The following EPX variants were observed in gnomAD, a reference collection of about 807,000 sequenced individuals.
EPX encodes the protein eosinophil peroxidase.
A neutral mutation model predicts 73.0 loss-of-function variants in EPX; 60 were observed. The ratio of observed to expected loss-of-function variants is 0.82; its 90% CI spans 0.67 to 1.02. EPX has a LOEUF of 1.02. Among genes scored for constraint, EPX ranks in the 50% least tolerant of loss-of-function variants. The probability of loss-of-function intolerance (pLI) is 0.00; values close to 1 mark genes in which losing one functional copy is unlikely to be tolerated. For missense variants in EPX, 950 were observed against 973.9 expected (o/e 0.98, Z 0.33); for synonymous variants, 347 against 389.2 (o/e 0.89, Z 1.28).
chr17:58,204,357 C>T lies in EPX; in HGVS notation c.2082C>T (p.Tyr694=). The change falls in exon 12 of 13, where the codon TAC becomes TAT. Residue 694 remains tyrosine (Y), a synonymous_variant. Coordinates refer to ENST00000225371, the MANE Select transcript of EPX (RefSeq NM_000502.6). ...GGGACATCTTCAGAGCCAACATCTACCCTCGGGGCTTTGTGAACTGCAGCC... is the reference window on the plus strand; with the variant it reads ...GGGACATCTTCAGAGCCAACATCTATCCTCGGGGCTTTGTGAACTGCAGCC... ...VSRDIFRANI[Y]PRGFVNCSRI... The T allele has an allele frequency of 6.2e-7, 1 of 1,614,086 alleles. No individual in the cohort carries two copies. The highest frequency in any genetic ancestry group is 8.5e-7 in the Non-Finnish European group (1 of 1,179,930).
Position 58,193,850 on chromosome 17 carries a change from G to A in EPX, c.464+19G>A, listed in dbSNP as rs372300536. The stretch of plus-strand genomic sequence containing the variant: ...ACAACAAGTGCGTGCGGGGCGGCAG[G>A]AGGGGCTGCCCCTGCCTGGGGGACC... On this transcript the variant is annotated intron_variant, in intron 4 of 12. Coordinates refer to ENST00000225371, the MANE Select transcript of EPX (RefSeq NM_000502.6). 20 of 1,599,900 alleles carry A rather than the reference G, an allele frequency of 1.3e-5. No homozygotes were observed. The highest frequency in any genetic ancestry group is 1.1e-4 in the East Asian group (5 of 44,762).
At position 58,200,410 on chromosome 17, in the gene EPX, C is replaced by T; in HGVS notation, c.1708+15C>T. 6.2e-7 allele frequency: 1 copy of T among 1,613,568 alleles called. No homozygotes were observed. The highest frequency in any genetic ancestry group is 8.5e-7 in the Non-Finnish European group (1 of 1,179,618). On this transcript the variant is annotated intron_variant, in intron 10 of 12. Transcript: ENST00000225371. ...CGGCCTTCCAGGTGAGGGGGCTGTCCACCTCTTCTCCCAGCTTTGCTCGGG... is the reference window on the plus strand; with the variant it reads ...CGGCCTTCCAGGTGAGGGGGCTGTCTACCTCTTCTCCCAGCTTTGCTCGGG...
In EPX at chr17:58,193,437, G is replaced by T; in HGVS notation, c.237G>T (p.Pro79=). 1.9e-6 allele frequency: 3 copies of T among 1,614,148 alleles called. No homozygotes were observed. Among genetic ancestry groups the T allele is most frequent in the Non-Finnish European group, 2.5e-6 (3 of 1,179,992 alleles). Residue 79 remains proline, a synonymous_variant, in exon 3 of 13, where the codon CCG becomes CCT. Transcript: ENST00000225371. The stretch of plus-strand genomic sequence containing the variant: ...ACCTCCTGTCCTACTTCAAACAACC[G>T]GTAGCAGCCACCAGGACAGTTGTTC... The part of the protein sequence containing the change: ...PMDLLSYFKQ[P]VAATRTVVRA...
At chr17:58,196,908 C>T (rs748263936) in intron 6 of EPX, 31 bp from the exon 7 acceptor site, 20 of 1,595,238 alleles carry the variant, frequency 1.3e-5, no homozygotes, top group Non-Finnish European at 1.7e-5. Flanking sequence ...ATTGAGGGGG[C>T]CCCATGTCAC....
chr17:58,201,285 G>A (rs1293742039), intron 10 of EPX, among the ~76,000 whole-genome samples: 5 of 152,210 alleles, frequency 3.3e-5, no homozygotes, highest in Admixed American at 6.5e-5. Context: ...CCGGAAACCT[G>A]AGCTTCTTTC....
Position 58,199,782 on chromosome 17 carries a change from A to AT in EPX, c.1526dup (p.Val510ArgfsTer3). 1 of 1,607,804 alleles carries AT rather than the reference A, an allele frequency of 6.2e-7. No individual in the cohort carries two copies. The highest frequency in any genetic ancestry group is 1.1e-5 in the South Asian group (1 of 91,008). Reference sequence around the variant, plus strand: ...CTCTGCCTTCTTTGCCAGCTGGCGGATCGTGTATGAAGGTGACCAGGTTTT... The same window carrying AT: ...CTCTGCCTTCTTTGCCAGCTGGCGGATTCGTGTATGAAGGTGACCAGGTTTT... On this transcript the variant is annotated frameshift_variant, in exon 9 of 13. Coordinates refer to ENST00000225371, the MANE Select transcript of EPX (RefSeq NM_000502.6). LOFTEE classifies it high-confidence loss of function.
At chr17:58,193,208 T>C in intron 2 of EPX, 77 bp downstream of exon 2, 1 of 1,249,180 alleles carries the variant, frequency 8.0e-7, no homozygotes, top group Non-Finnish European at 1.2e-6. Flanking sequence ...TTCATCTCAC[T>C]CATCAGCCAC....
rs1968193967 is a variant in EPX, at chr17:58,192,879, G to T, written c.33G>T (p.Leu11=). The change falls in exon 1 of 13, where the codon CTG becomes CTT. Residue 11 remains leucine (L), a synonymous_variant. Coordinates refer to ENST00000225371, the MANE Select transcript of EPX (RefSeq NM_000502.6). The part of the protein sequence containing the change: MHLLPALAGV[L]ATLVLAQPCE... ...TGCTCCCAGCCCTGGCAGGGGTCCT[G>T]GCCACACTCGTCCTCGCCCAGCCCT... The T allele has an allele frequency of 1.2e-6, 2 of 1,614,090 alleles. No individual in the cohort carries two copies. Among genetic ancestry groups the T allele is most frequent in the Non-Finnish European group, 1.7e-6 (2 of 1,179,964 alleles).
intron 6 of EPX, 41 bp from the exon 7 acceptor site, chr17:58,196,898 A>G (rs765228502): frequency 1.3e-6 from 2 of 1,506,210 alleles, no homozygotes; most frequent in East Asian, 4.5e-5. Context: ...TGAGTCTGCT[A>G]TTGAGGGGGC....
rs747715072 is a variant in EPX at position 58,199,709 on chromosome 17, G to A, written c.1452G>A (p.Leu484=). The A allele has an allele frequency of 1.2e-6, 2 of 1,614,238 alleles. No homozygotes were observed. Among genetic ancestry groups the A allele is most frequent in the South Asian group, 2.2e-5 (2 of 91,086 alleles). The change falls in exon 9 of 13, where the codon TTG becomes TTA. Residue 484 remains leucine (L), a synonymous_variant. Coordinates refer to ENST00000225371, the MANE Select transcript of EPX (RefSeq NM_000502.6). ...HTMLQPFMFR[L]DSQYRASAPN... is the part of the protein sequence containing the mutation. Reference sequence around the variant, plus strand: ...TGCTCCAGCCCTTCATGTTCCGCTTGGACAGTCAGTACCGGGCCTCCGCAC... The same window carrying A: ...TGCTCCAGCCCTTCATGTTCCGCTTAGACAGTCAGTACCGGGCCTCCGCAC...
chr17:58,193,537 A>C lies in EPX; in HGVS notation c.337A>C (p.Asn113His), dbSNP rs780391393. ...KLQPQRSGPF[N>H]VTDVLTEPQL... The stretch of plus-strand genomic sequence containing the variant: ...ACAACCCCAGCGGTCCGGACCCTTC[A>C]ATGTCACTGGTACTCTGATCCCCAC... The change falls in exon 3 of 13, where the codon AAT becomes CAT. Residue 113 changes from asparagine to histidine, a missense_variant. Transcript: ENST00000225371. The C allele has an allele frequency of 6.8e-6, 11 of 1,613,934 alleles. No homozygotes were observed. In the East Asian group the frequency reaches 2.5e-4, roughly 36 times the overall value.
chr17:58,197,229 C>A lies in EPX; in HGVS notation c.1092C>A (p.Arg364=), dbSNP rs553342917. The A allele has an allele frequency of 7.4e-6, 12 of 1,612,856 alleles. No individual in the cohort carries two copies. The African/African-American group carries it at 1.2e-4, about 16-fold the overall frequency. The stretch of plus-strand genomic sequence containing the variant: ...ATGACCCCTGTCTCCTCACCAACCG[C>A]TCGGCGCGCATCCCCTGCTTCCTGG... ...LHDDPCLLTN[R]SARIPCFLAG... Residue 364 remains arginine, a synonymous_variant, in exon 7 of 13, where the codon CGC becomes CGA. Transcript: ENST00000225371.
In EPX at chr17:58,200,242, C is replaced by T. The variant is rs763485481; in HGVS notation, c.1555C>T (p.Leu519Phe). Residue 519 changes from leucine (L) to phenylalanine (F), a missense_variant, in exon 10 of 13, where the codon CTC becomes TTC. By Grantham distance (22) the Leu-to-Phe change is conservative. Transcript: ENST00000225371. ...IVYEGGIDPI[L>F]RGLMATPAKL... ...GCCACCAGGGGGCATCGACCCCATC[C>T]TCCGGGGCCTCATGGCCACCCCTGC... 1.9e-6 allele frequency: 3 copies of T among 1,614,214 alleles called. No individual in the cohort carries two copies. The highest frequency in any genetic ancestry group is 2.2e-5 in the South Asian group (2 of 91,090).
chr17:58,200,449 G>C, intron 10 of EPX, 54 bp downstream of exon 10: 3 of 1,572,274 alleles, frequency 1.9e-6, no homozygotes, highest in Non-Finnish European at 2.6e-6. Flanking sequence ...GGCTGCTCAA[G>C]GGGTTCTGGG....
intron 12 of EPX, 117 bp from the exon 13 acceptor site, chr17:58,204,619 T>A: frequency 1.7e-6 from 1 of 596,014 alleles, no homozygotes; most frequent in Admixed American, 2.9e-5. Context: ...CCCTAGGACT[T>A]TGGGGGGAAA....
chr17:58,197,006 CA>C lies in EPX; in HGVS notation c.870del (p.Cys291AlafsTer112). ...DCIPFFRSAP[S>X]CPQNKNRVRN... ...ATCCCTTTCTTCCGCTCGGCACCCT[CA>C]TGCCCCCAAAACAAGAACAGAGTCC... On this transcript the variant is annotated frameshift_variant, in exon 7 of 13. Transcript: ENST00000225371. LOFTEE classifies it high-confidence loss of function. 6.2e-7 allele frequency: 1 copy of C among 1,614,084 alleles called. No homozygotes were observed. The highest frequency in any genetic ancestry group is 1.3e-5 in the African/African-American group (1 of 74,922).
chr17:58,199,465 T>C, intron 8 of EPX, 74 bp from the exon 9 acceptor site: 1 of 1,522,182 alleles, frequency 6.6e-7, no homozygotes. Flanking sequence ...AGAATATGTC[T>C]GAGCCACCCT....
rs1968194988 is a variant in EPX, at chr17:58,192,897, C to T, written c.51C>T (p.Ala17=). 1 of 1,614,166 alleles carries T rather than the reference C, an allele frequency of 6.2e-7. No homozygotes were observed. Among genetic ancestry groups the T allele is most frequent in the South Asian group, 1.1e-5 (1 of 91,084 alleles). The part of the protein sequence containing the change: ...LAGVLATLVL[A]QPCEGTDPAS... Reference sequence around the variant, plus strand: ...GGGTCCTGGCCACACTCGTCCTCGCCCAGCCCTGTGAGGGCACTGACCCAG... The same window carrying T: ...GGGTCCTGGCCACACTCGTCCTCGCTCAGCCCTGTGAGGGCACTGACCCAG... The change falls in exon 1 of 13, where the codon GCC becomes GCT. Residue 17 remains alanine, a synonymous_variant. Coordinates refer to ENST00000225371, the MANE Select transcript of EPX (RefSeq NM_000502.6).
rs541234168 is a variant in EPX at position 58,192,767 on chromosome 17, A to T, written c.-80A>T. On this transcript the variant is annotated 5_prime_UTR_variant, in exon 1 of 13. The change creates a new upstream start codon in the 5' untranslated region. Coordinates refer to ENST00000225371, the MANE Select transcript of EPX (RefSeq NM_000502.6). ...TGAGAGGTCGGCTGGGGGTCCTCAA[A>T]GTGAGAGGGGAGCAGAGGATCCTCC... The T allele has an allele frequency of 1.5e-6, 2 of 1,291,196 alleles. No individual in the cohort carries two copies. Among genetic ancestry groups the T allele is most frequent in the South Asian group, 1.2e-5 (1 of 80,268 alleles). 80.0% of individuals were successfully genotyped at this position (1,291,196 alleles called of 1,614,324 possible). A position where few individuals can be genotyped will look rare whatever the true frequency, so the allele number is the denominator to read the frequency against.
Sources: gnomAD v4.1 joint callset for allele counts (sites outside exome capture counted in the v4.1 genomes callset) on GRCh38, gnomAD v4.1.1 for gene constraint, MANE v1.5 for transcripts, NCBI Gene and HGNC (gene_info 2026-07-23, HGNC 2026-07-21) for gene names.